Variants in SLC47A2 observed in about 807,000 individuals in gnomAD.
SLC47A2 encodes multidrug and toxin extrusion protein 2.
A neutral mutation model predicts 67.7 loss-of-function variants in SLC47A2; 52 were observed. That is an observed-to-expected ratio of 0.77 (90% confidence interval 0.61 to 0.97). The LOEUF is 0.97. SLC47A2 is among the 50% of genes least tolerant of loss of function. The probability of loss-of-function intolerance (pLI) is 0.00; values close to 1 mark genes in which losing one functional copy is unlikely to be tolerated. For synonymous variants in SLC47A2, 278 were observed against 292.9 expected, an observed-to-expected ratio of 0.95 and a Z score of 0.52; for missense variants, 676 against 712.3, an observed-to-expected ratio of 0.95 and a Z score of 0.58.
At chr17:19,715,484 A>G (rs2086229847) in intron 1 of SLC47A2, among the ~76,000 whole-genome samples, 1 of 152,168 alleles carries the variant, frequency 6.6e-6, no homozygotes, top group Admixed American at 6.5e-5. Context: ...GCTTGACCCA[A>G]GTGTCTGATA....
chr17:19,711,197 A>T (rs1440677305), intron 5 of SLC47A2, among the ~76,000 whole-genome samples: 1 of 152,248 alleles, frequency 6.6e-6, no homozygotes, highest in Non-Finnish European at 1.5e-5. Context: ...GATATTATTT[A>T]ATAAGAAGTA....
intron 11 of SLC47A2, 132 bp from the exon 12 acceptor site, chr17:19,703,299 A>C (rs1308383745): frequency 2.7e-6 from 2 of 739,454 alleles, no homozygotes; most frequent in Non-Finnish European, 4.7e-6. Flanking sequence ...CTTTTGTCAC[A>C]GGCCTTCATG....
intron 9 of SLC47A2, 134 bp downstream of exon 9, chr17:19,706,514 C>G (rs1373204692): frequency 5.8e-5 from 39 of 676,568 alleles, no homozygotes; most frequent in Non-Finnish European, 7.2e-6. Context: ...GCCAGTGAAG[C>G]TGGAAGGGGG....
chr17:19,681,583 G>A lies in SLC47A2; in HGVS notation c.1252C>T (p.Pro418Ser), dbSNP rs139110700. 4 of 1,614,056 alleles carry A rather than the reference G, an allele frequency of 2.5e-6. No homozygotes were observed. The East Asian group carries it at 6.7e-5, about 27-fold the overall frequency. Reference protein sequence around the residue: ...NAITYYIIGLPLGILLTFVVR... With the variant: ...NAITYYIIGLSLGILLTFVVR... ...ACAAAGGTCAGAAGGATGCCCAGTG[G>A]TAGGCCGATGATGTAATATGTGATG... The change falls in exon 14 of 17, where the codon CCA (proline) becomes TCA (serine). Residue 418 changes from proline (P) to serine (S), a missense_variant. By Grantham distance (74) the Pro-to-Ser change is moderately conservative. Coordinates refer to ENST00000433844, the MANE Select transcript of SLC47A2 (RefSeq NM_001099646.3).
At chr17:19,715,267 C>A in intron 1 of SLC47A2, 50 bp from the exon 2 acceptor site, 1 of 1,543,216 alleles carries the variant, frequency 6.5e-7, no homozygotes, top group Non-Finnish European at 8.9e-7. Flanking sequence ...GCCCACACAG[C>A]CGAGCCCTGC....
Position 19,680,006 on chromosome 17 carries a change from T to TCTG in SLC47A2, c.1423_1425dup (p.Gln475dup). 1.9e-6 allele frequency: 3 copies of TCTG among 1,614,030 alleles called. No homozygotes were observed. The highest frequency in any genetic ancestry group is 2.5e-6 in the Non-Finnish European group (3 of 1,179,954). On this transcript the variant is annotated inframe_insertion, in exon 16 of 17. Transcript: ENST00000433844. The stretch of plus-strand genomic sequence containing the variant: ...GGTCTGGTTGCAGTGCTCTCTGCTC[T>TCTG]CTGCTGCTGCTGCCGGCCTGAATGT...
At chr17:19,703,269 A>C (rs2085837082) in intron 11 of SLC47A2, 102 bp from the exon 12 acceptor site, 2 of 1,042,560 alleles carry the variant, frequency 1.9e-6, no homozygotes, top group Admixed American at 4.0e-5. Flanking sequence ...AAGTCAGCCC[A>C]GCCCTCTGCA....
chr17:19,684,744 A>G (rs1363527832), intron 13 of SLC47A2, among the ~76,000 whole-genome samples: 1 of 151,998 alleles, frequency 6.6e-6, no homozygotes, highest in African/African-American at 2.4e-5. Context: ...ATAAAAGATT[A>G]GTGTGAAATC....
chr17:19,716,133 A>C, intron 1 of SLC47A2: 1 of 372,302 alleles, frequency 2.7e-6, no homozygotes, highest in South Asian at 5.4e-5. Flanking sequence ...TCTGGGTCCC[A>C]TTTGTCCTGG....
chr17:19,678,815 G>A lies in SLC47A2; in HGVS notation c.1572C>T (p.His524=), dbSNP rs35526408. 7.9e-4 allele frequency: 1,281 copies of A among 1,614,120 alleles called. 6 individuals are homozygous for A. Among genetic ancestry groups the A allele is most frequent in the Admixed American group, 1.6e-3 (95 of 60,022 alleles). Residue 524 remains histidine (H), a synonymous_variant, in exon 17 of 17, where the codon CAC becomes CAT. Transcript: ENST00000433844. The part of the protein sequence containing the change: ...VDFFRTPEEA[H]ALSAPTSRLS... The stretch of plus-strand genomic sequence containing the variant: ...GTCTGCTGGTAGGAGCTGAAAGGGC[G>A]TGGGCCTCCTCTGGAGTCCTGAAGA...
chr17:19,717,825 T>G (rs1236688865), upstream of SLC47A2: 1 of 152,288 alleles, frequency 6.6e-6, no homozygotes, highest in Non-Finnish European at 1.5e-5. Flanking sequence ...AACGCTCCAC[T>G]GGATCCTCCC....
In SLC47A2 at chr17:19,702,710, G is replaced by A. The variant is rs1173549462; in HGVS notation, c.1095-36C>T. ...AATGAGAAAGCATTAAGACACAGAT[G>A]TATCCTTTGAGACCCATTTATATCC... On this transcript the variant is annotated intron_variant, in intron 12 of 16. Coordinates refer to ENST00000433844, the MANE Select transcript of SLC47A2 (RefSeq NM_001099646.3). The A allele has an allele frequency of 3.7e-6, 6 of 1,608,656 alleles. No individual in the cohort carries two copies. The East Asian group carries it at 1.3e-4, about 36-fold the overall frequency.
At chr17:19,701,488 C>T (rs904884299) in intron 13 of SLC47A2, among the ~76,000 whole-genome samples, 1 of 152,032 alleles carries the variant, frequency 6.6e-6, no homozygotes, top group Non-Finnish European at 1.5e-5. Flanking sequence ...TGTTTTTTCC[C>T]CAGGTAGGGA....
At chr17:19,710,599 C>T (rs980962940) in intron 5 of SLC47A2, among the ~76,000 whole-genome samples, 2 of 151,628 alleles carry the variant, frequency 1.3e-5, no homozygotes, top group African/African-American at 2.4e-5. Flanking sequence ...ATTGCAGGCA[C>T]CCGCCATCAT....
chr17:19,685,354 G>A lies in SLC47A2; in HGVS notation c.1165-3684C>T, dbSNP rs2085404117. Among the ~76,000 whole-genome samples the A allele has an allele frequency of 6.6e-6, 1 of 152,066 alleles. No homozygotes were observed. The highest frequency in any genetic ancestry group is 2.1e-4 in the South Asian group (1 of 4,822). On this transcript the variant is annotated intron_variant, in intron 13 of 16. Coordinates refer to ENST00000433844, the MANE Select transcript of SLC47A2 (RefSeq NM_001099646.3). This position sits in a 1 kb window ranked among gnomAD's most constrained non-coding sequence, Gnocchi z 4.5. ...TGTGCCTGGCCACCCCATCTGGGAA[G>A]TGAGGCGCGCCTCTGCCTGGCTGCC...
chr17:19,688,317 T>G (rs1286551111), intron 13 of SLC47A2, among the ~76,000 whole-genome samples: 2 of 151,526 alleles, frequency 1.3e-5, no homozygotes, highest in African/African-American at 4.9e-5. Flanking sequence ...CATCCCTTCA[T>G]GATTAAAAAA....
chr17:19,702,929 G>A (rs913044041), intron 12 of SLC47A2, among the ~76,000 whole-genome samples, 163 bp downstream of exon 12: 4 of 152,178 alleles, frequency 2.6e-5, no homozygotes, highest in Non-Finnish European at 5.9e-5. Context: ...TAAAGGCCTG[G>A]GGTGGATAGA....
chr17:19,715,066 A>G, intron 2 of SLC47A2, 50 bp downstream of exon 2: 1 of 1,581,984 alleles, frequency 6.3e-7, no homozygotes, highest in Non-Finnish European at 8.6e-7. Flanking sequence ...AACCCGGTGG[A>G]GAAGCCTGGG....
intron 7 of SLC47A2, 135 bp from the exon 8 acceptor site, chr17:19,707,978 A>T: frequency 2.2e-6 from 2 of 889,378 alleles, no homozygotes; most frequent in Non-Finnish European, 3.5e-6. Context: ...CTGGGATCAG[A>T]CTCAACCAGG....
Sources: gnomAD v4.1 joint callset for allele counts (sites outside exome capture counted in the v4.1 genomes callset) on GRCh38, gnomAD v4.1.1 for gene constraint, Gnocchi (gnomAD v3.1) non-coding constraint, MANE v1.5 for transcripts, NCBI Gene and HGNC (gene_info 2026-07-23, HGNC 2026-07-21) for gene names.